PLB1: variants seen among roughly 807,000 people sequenced by gnomAD.
PLB1 encodes the protein phospholipase B1.
A neutral mutation model predicts 227.4 loss-of-function variants in PLB1; 242 were observed. The ratio of observed to expected loss-of-function variants is 1.06; its 90% CI spans 0.96 to 1.18. PLB1 has a LOEUF of 1.18. Among genes scored for constraint, PLB1 ranks in the 50% most tolerant of loss-of-function variants. The pLI is 0.00. For missense variants in PLB1, 1,858 were observed against 1,816.3 expected, an observed-to-expected ratio of 1.02 and a Z score of -0.42; for synonymous variants, 757 against 682.2, an observed-to-expected ratio of 1.11 and a Z score of -1.71.
rs1456861667 is a variant in PLB1, at chr2:28,571,713, CTG to C, written c.1325-1481_1325-1480del. On this transcript the variant is annotated intron_variant, in intron 20 of 57. Transcript: ENST00000327757. ...GGGAAAGAATCGTCTTTTCAATAAA[CTG>C]TGCTGAGACAACTAGATAGTTACAC... Among the ~76,000 whole-genome samples the C allele has an allele frequency of 7.9e-5, 12 of 152,220 alleles. No homozygotes were observed. In the East Asian group the frequency reaches 2.1e-3, roughly 27 times the overall value.
In PLB1 at chr2:28,618,355, C is replaced by A. The variant is rs1243448234; in HGVS notation, c.3271C>A (p.Pro1091Thr). Residue 1091 changes from proline to threonine, a missense_variant, in exon 46 of 58, where the codon CCA becomes ACA. Coordinates refer to ENST00000327757, the MANE Select transcript of PLB1 (RefSeq NM_153021.5). ...GTCTCCCCTAGTCCACCAGCTCCGA[C>A]CAGCAGACATCAAAGTGGTGGCCGC... Reference protein sequence around the residue: ...SVPTSVHQLRPADIKVVAALG... With the variant: ...SVPTSVHQLRTADIKVVAALG... The A allele has an allele frequency of 5.6e-6, 9 of 1,614,042 alleles. No homozygotes were observed. In the African/African-American group the frequency reaches 1.2e-4, roughly 22 times the overall value.
At chr2:28,581,736 G>A (rs1680048525) in intron 23 of PLB1, among the ~76,000 whole-genome samples, 1 of 151,998 alleles carries the variant, frequency 6.6e-6, no homozygotes, top group African/African-American at 2.4e-5. Context: ...GGGAGGCTGA[G>A]GTGGATGGAT....
At position 28,614,051 on chromosome 2, in the gene PLB1, C is replaced by T; in HGVS notation, c.3150C>T (p.Thr1050=). The change falls in exon 44 of 58, where the codon ACC becomes ACT. Residue 1050 remains threonine, a synonymous_variant. Coordinates refer to ENST00000327757, the MANE Select transcript of PLB1 (RefSeq NM_153021.5). Reference sequence around the variant, plus strand: ...CTTAGAATGAGCCCTTCCTGAGAACCCCTCGGAATAGTAACTACACGTACC... The same window carrying T: ...CTTAGAATGAGCCCTTCCTGAGAACTCCTCGGAATAGTAACTACACGTACC... ...CPTQNEPFLR[T]PRNSNYTYPI... The T allele has an allele frequency of 6.2e-7, 1 of 1,612,944 alleles. No homozygotes were observed. Among genetic ancestry groups the T allele is most frequent in the Non-Finnish European group, 8.5e-7 (1 of 1,179,102 alleles).
chr2:28,602,909 T>C lies in PLB1; in HGVS notation c.2762T>C (p.Val921Ala). 2 of 1,614,152 alleles carry C rather than the reference T, an allele frequency of 1.2e-6. No homozygotes were observed. Among genetic ancestry groups the C allele is most frequent in the African/African-American group, 2.7e-5 (2 of 75,078 alleles). ...CTGGGAAACCCAGACAAGTGCCCAG[T>C]GCAGCAGGCCAGGTAGGCAGGTCCT... ...VFLGNPDKCP[V>A]QQASVLCNCV... The change falls in exon 39 of 58, where the codon GTG (valine) becomes GCG (alanine). Residue 921 changes from valine (V) to alanine (A), a missense_variant. Physicochemically the swap from Val to Ala is moderately conservative, Grantham distance 64. Transcript: ENST00000327757.
chr2:28,640,943 G>T lies in PLB1; in HGVS notation c.4115G>T (p.Arg1372Leu), dbSNP rs150927025. 9 of 1,613,612 alleles carry T rather than the reference G, an allele frequency of 5.6e-6. No individual in the cohort carries two copies. Among genetic ancestry groups the T allele is most frequent in the Non-Finnish European group, 7.6e-6 (9 of 1,179,744 alleles). Residue 1372 changes from arginine to leucine, a missense_variant, in exon 57 of 58, where the codon CGC becomes CTC. Physicochemically the swap from Arg to Leu is moderately radical, Grantham distance 102. Coordinates refer to ENST00000327757, the MANE Select transcript of PLB1 (RefSeq NM_153021.5). The part of the protein sequence containing the change: ...LWNNMLEPVG[R>L]KTTSNNFTHS... ...TCTCTCCAGCTGGAACCAGTGGGCC[G>T]CAAGACTACCTCCAACAACTTCACC...
intron 4 of PLB1, among the ~76,000 whole-genome samples, chr2:28,522,351 C>T (rs981004889): frequency 2.0e-5 from 3 of 151,986 alleles, no homozygotes; most frequent in Non-Finnish European, 4.4e-5. Flanking sequence ...TCTCTCTTAT[C>T]GATGCTGATG....
intron 43 of PLB1, among the ~76,000 whole-genome samples, chr2:28,608,426 G>A (rs141976708): frequency 6.6e-6 from 1 of 152,338 alleles, no homozygotes; most frequent in Admixed American, 6.5e-5. Context: ...GCAGTGGGGG[G>A]CGGGAGGCAG....
chr2:28,591,697 T>G lies in PLB1; in HGVS notation c.2128-3T>G. On this transcript the variant is annotated splice_region_variant and splice_polypyrimidine_tract_variant and intron_variant, in intron 30 of 57. Coordinates refer to ENST00000327757, the MANE Select transcript of PLB1 (RefSeq NM_153021.5). ...GATTCTGGGATTTGTTCTATGCCCT[T>G]AGGGTCATGGGACCTGGCTGCCATG... 1 of 1,613,930 alleles carries G rather than the reference T, an allele frequency of 6.2e-7. No homozygotes were observed.
chr2:28,503,762 C>T (rs778095490), intron 1 of PLB1, among the ~76,000 whole-genome samples: 1 of 152,138 alleles, frequency 6.6e-6, no homozygotes, highest in Non-Finnish European at 1.5e-5. Flanking sequence ...CAAAAGAGCA[C>T]AAATAGAAGC....
chr2:28,575,983 A>G (rs1362379155), intron 21 of PLB1, among the ~76,000 whole-genome samples: 2 of 152,206 alleles, frequency 1.3e-5, no homozygotes, highest in African/African-American at 2.4e-5. Flanking sequence ...GGCTGGTAGT[A>G]TAAGAGGAAA....
chr2:28,583,803 T>C (rs1680458353), intron 25 of PLB1, among the ~76,000 whole-genome samples: 1 of 150,392 alleles, frequency 6.6e-6, no homozygotes, highest in Admixed American at 6.6e-5. Context: ...CTCTGTGTGG[T>C]AAAGATGTGG....
chr2:28,566,858 C>T lies in PLB1; in HGVS notation c.1324+19C>T, dbSNP rs760553233. The T allele has an allele frequency of 1.2e-5, 20 of 1,613,750 alleles. No individual in the cohort carries two copies. Among genetic ancestry groups the T allele is most frequent in the Non-Finnish European group, 1.7e-5 (20 of 1,179,912 alleles). ...CTGGCGAGTGAGTACGCGGCGGCGG[C>T]CGGGATGTTTGGTTTGGGGCGGCCC... is the stretch of plus-strand genomic sequence containing the variant. On this transcript the variant is annotated intron_variant, in intron 20 of 57. Coordinates refer to ENST00000327757, the MANE Select transcript of PLB1 (RefSeq NM_153021.5).
chr2:28,589,099 A>C (rs1681415805), intron 26 of PLB1, among the ~76,000 whole-genome samples: 1 of 151,884 alleles, frequency 6.6e-6, no homozygotes, highest in South Asian at 2.1e-4. Context: ...CGGGAGGCGG[A>C]GGTTGCAGTG....
chr2:28,631,700 C>G (rs973366892), intron 54 of PLB1, among the ~76,000 whole-genome samples: 1 of 152,114 alleles, frequency 6.6e-6, no homozygotes, highest in Admixed American at 6.6e-5. Context: ...GGACTTTGGC[C>G]TATGCAATCT....
At chr2:28,584,798 A>G (rs1178498554) in intron 25 of PLB1, among the ~76,000 whole-genome samples, 1 of 152,234 alleles carries the variant, frequency 6.6e-6, no homozygotes, top group Non-Finnish European at 1.5e-5. Flanking sequence ...GATGTGCCAG[A>G]TAGCTGGCCG....
chr2:28,523,187 C>A (rs1572732122), intron 4 of PLB1, among the ~76,000 whole-genome samples: 1 of 151,844 alleles, frequency 6.6e-6, no homozygotes, highest in Non-Finnish European at 1.5e-5. Context: ...AGACCCTGTT[C>A]ACATCTTTTA....
At chr2:28,517,422 G>T (rs1668984222) in intron 2 of PLB1, among the ~76,000 whole-genome samples, 1 of 152,268 alleles carries the variant, frequency 6.6e-6, no homozygotes, top group African/African-American at 2.4e-5. Context: ...AGCAGAAGCT[G>T]CCCCGGACCC....
At chr2:28,636,883 T>G (rs1011654067) in intron 56 of PLB1, among the ~76,000 whole-genome samples, 5 of 152,214 alleles carry the variant, frequency 3.3e-5, no homozygotes, top group Non-Finnish European at 7.3e-5. Flanking sequence ...AAGGGGCTTT[T>G]GAGGACTATA....
chr2:28,538,571 T>C (rs1672028920), intron 10 of PLB1, among the ~76,000 whole-genome samples, 190 bp downstream of exon 10: 1 of 152,158 alleles, frequency 6.6e-6, no homozygotes, highest in Non-Finnish European at 1.5e-5. Flanking sequence ...ACTCCACTCC[T>C]GCAAAGGAAA....
Sources: gnomAD v4.1 joint callset for allele counts (sites outside exome capture counted in the v4.1 genomes callset) on GRCh38, gnomAD v4.1.1 for gene constraint, MANE v1.5 for transcripts, NCBI Gene and HGNC (gene_info 2026-07-23, HGNC 2026-07-21) for gene names.